The following PARG variants were observed in gnomAD, a reference collection of about 807,000 sequenced individuals.
The protein encoded by PARG is poly(ADP-ribose) glycohydrolase.
PARG carries 35 observed loss-of-function variants against 113.0 expected under a neutral mutation model. That is an observed-to-expected ratio of 0.31 (90% CI 0.24 to 0.41). The LOEUF (loss-of-function observed/expected upper bound fraction) is 0.41, where lower values mean the gene tolerates loss of function less well. PARG is among the 10% of genes least tolerant of loss of function. The pLI is 1.00. For missense variants in PARG, 797 were observed against 1,169.4 expected (o/e 0.68, Z 4.64); for synonymous variants, 330 against 409.9 (o/e 0.81, Z 2.36).
At position 49,857,331 on chromosome 10, in the gene PARG, A is replaced by T; in HGVS notation, c.2328T>A (p.Asp776Glu). 4.1e-6 allele frequency: 5 copies of T among 1,229,510 alleles called. No individual in the cohort carries two copies. The highest frequency in any genetic ancestry group is 4.7e-6 in the Non-Finnish European group (4 of 848,854). 76.2% of individuals were successfully genotyped at this position (1,229,510 alleles called of 1,614,324 possible). A position where few individuals can be genotyped will look rare whatever the true frequency, so the allele number is the denominator to read the frequency against. ...IISRLFTEVL[D>E]HNECLIITGT... is the part of the protein sequence containing the mutation. ...CTGTGATAATTAGACATTCATTGTGATCCAGCACCTCAGTGAAGAGCCGTG... is the reference window on the plus strand; with the variant it reads ...CTGTGATAATTAGACATTCATTGTGTTCCAGCACCTCAGTGAAGAGCCGTG... The change falls in exon 13 of 18, where the codon GAT becomes GAA. Residue 776 changes from aspartate to glutamate, a missense_variant. Transcript: ENST00000616448.
intron 7 of PARG, among the ~76,000 whole-genome samples, chr10:49,898,196 T>C (rs1228684376): frequency 6.6e-6 from 1 of 152,270 alleles, no homozygotes; most frequent in Non-Finnish European, 1.5e-5. Flanking sequence ...AATTCTACTA[T>C]AACTTTAACT....
At chr10:49,937,573 T>C (rs1237399342) in intron 1 of PARG, among the ~76,000 whole-genome samples, 3 of 152,048 alleles carry the variant, frequency 2.0e-5, no homozygotes, top group East Asian at 1.9e-4. Flanking sequence ...TTTCCATAAA[T>C]GTAAGGATTA....
intron 13 of PARG, among the ~76,000 whole-genome samples, chr10:49,848,047 C>T (rs1257631819): frequency 2.0e-5 from 3 of 152,058 alleles, no homozygotes; most frequent in African/African-American, 7.2e-5. Context: ...CATATACATA[C>T]ACATAAAAAC....
intron 7 of PARG, among the ~76,000 whole-genome samples, chr10:49,897,687 A>C (rs1318040066): frequency 6.6e-6 from 1 of 152,260 alleles, no homozygotes; most frequent in African/African-American, 2.4e-5. Context: ...TAAAGCTCCA[A>C]GAAATAAGCA....
intron 13 of PARG, among the ~76,000 whole-genome samples, chr10:49,850,433 A>G (rs1174277404): frequency 2.6e-5 from 4 of 152,016 alleles, no homozygotes; most frequent in African/African-American, 9.7e-5. Context: ...ATTCAAACCC[A>G]CAAAGCCATC....
chr10:49,932,547 T>G (rs1838542451), intron 3 of PARG, among the ~76,000 whole-genome samples: 1 of 152,062 alleles, frequency 6.6e-6, no homozygotes, highest in African/African-American at 2.4e-5. Flanking sequence ...TGGTTCACAG[T>G]ATCATCTACA....
At chr10:49,923,011 C>T (rs1387436278) in intron 4 of PARG, among the ~76,000 whole-genome samples, 1 of 152,242 alleles carries the variant, frequency 6.6e-6, no homozygotes, top group East Asian at 1.9e-4. Context: ...AATGCTATAA[C>T]GCCTATACTC....
At position 49,941,846 on chromosome 10, in the gene PARG, G is replaced by A. The variant is rs1206580020; in HGVS notation, c.-121C>T. ...CTGCCTGCACCATTCCCTCTCTGCC[G>A]CTGCCTGCTTCTGCAATTGCTGATC... On this transcript the variant is annotated 5_prime_UTR_variant, in exon 1 of 18. Transcript: ENST00000616448. The A allele has an allele frequency of 2.0e-5, 31 of 1,517,780 alleles. No individual in the cohort carries two copies. The highest frequency in any genetic ancestry group is 2.7e-5 in the Non-Finnish European group (31 of 1,130,832). The allele number at this position is 1,517,780 out of a possible 1,614,324, so 94.0% of individuals were successfully genotyped here.
chr10:49,851,777 A>C (rs1712526293), intron 13 of PARG, among the ~76,000 whole-genome samples: 1 of 139,166 alleles, frequency 7.2e-6, no homozygotes, highest in African/African-American at 2.6e-5. Flanking sequence ...CAAGTAAGAG[A>C]AGACAAAAAA....
Position 49,818,432 on chromosome 10 carries a change from C to T in PARG, c.*908G>A, listed in dbSNP as rs1244274756. ...TAATGAAAATTCATTCACTATATAA[C>T]CTTTGAATACCAGAGAAACTTCAAT... On this transcript the variant is annotated 3_prime_UTR_variant, in exon 18 of 18. Coordinates refer to ENST00000616448, the MANE Select transcript of PARG (RefSeq NM_003631.5). 6.6e-6 allele frequency: 1 copy of T among 152,492 alleles called. No homozygotes were observed. Among genetic ancestry groups the T allele is most frequent in the African/African-American group, 2.4e-5 (1 of 41,394 alleles). 9.4% of individuals were successfully genotyped at this position (152,492 alleles called of 1,614,324 possible).
rs1277235011 is a variant in PARG, at chr10:49,877,323, C to T, written c.1988+2350G>A. Among the ~76,000 whole-genome samples the T allele has an allele frequency of 1.8e-3, 277 of 151,118 alleles. 2 individuals are homozygous for T. Among genetic ancestry groups the T allele is most frequent in the Non-Finnish European group, 3.5e-3 (240 of 67,682 alleles). On this transcript the variant is annotated intron_variant, in intron 9 of 17. Coordinates refer to ENST00000616448, the MANE Select transcript of PARG (RefSeq NM_003631.5). ...TTAAAAGGCTAAAAAATATGGTCTT[C>T]GGGGCTGACACTCTGATATTGGAGA...
intron 6 of PARG, among the ~76,000 whole-genome samples, chr10:49,916,771 T>C (rs1554847750): frequency 6.6e-6 from 1 of 152,186 alleles, no homozygotes; most frequent in Non-Finnish European, 1.5e-5. Flanking sequence ...TTTGGTTTTA[T>C]TTTATACTGT....
chr10:49,900,778 T>C (rs1848315238), intron 7 of PARG, among the ~76,000 whole-genome samples: 1 of 151,682 alleles, frequency 6.6e-6, no homozygotes, highest in Admixed American at 6.6e-5. Flanking sequence ...TCACTTCTAT[T>C]ACTGTACGAC....
At chr10:49,877,035 T>A (rs1210668022) in intron 9 of PARG, among the ~76,000 whole-genome samples, 1 of 149,904 alleles carries the variant, frequency 6.7e-6, no homozygotes, top group African/African-American at 2.4e-5. Context: ...CCTTTCTTAG[T>A]GTTGATAGTA....
intron 7 of PARG, among the ~76,000 whole-genome samples, chr10:49,897,772 C>T (rs1167494962): frequency 6.6e-6 from 1 of 152,154 alleles, no homozygotes; most frequent in African/African-American, 2.4e-5. Flanking sequence ...TTTTGGGAGG[C>T]CAAAGCAGGT....
intron 7 of PARG, among the ~76,000 whole-genome samples, chr10:49,901,888 A>G (rs1359276748): frequency 1.3e-5 from 2 of 152,176 alleles, no homozygotes; most frequent in African/African-American, 4.8e-5. Context: ...ATGACCTAGT[A>G]CATTTCTATT....
At position 49,841,949 on chromosome 10, in the gene PARG, C is replaced by A; in HGVS notation, c.2541+1G>T. ...ATGAACTAAGAAATAAGGTTACTGG[C>A]CTTGTTCAGCTCGCGTCTCATTTTC... On this transcript the variant is annotated splice_donor_variant, in intron 15 of 17. Transcript: ENST00000616448. LOFTEE classifies it high-confidence loss of function. 2 of 1,535,638 alleles carry A rather than the reference C, an allele frequency of 1.3e-6. No individual in the cohort carries two copies. The highest frequency in any genetic ancestry group is 1.8e-6 in the Non-Finnish European group (2 of 1,136,962).
chr10:49,896,465 A>G (rs562517821), intron 7 of PARG, among the ~76,000 whole-genome samples: 1 of 152,210 alleles, frequency 6.6e-6, no homozygotes, highest in South Asian at 2.1e-4. Context: ...TTGTAATTTT[A>G]GTAGAGATGG....
chr10:49,915,929 A>G lies in PARG; in HGVS notation c.1725T>C (p.Asp575=). 1 of 1,503,458 alleles carries G rather than the reference A, an allele frequency of 6.7e-7. No homozygotes were observed. Among genetic ancestry groups the G allele is most frequent in the Non-Finnish European group, 9.1e-7 (1 of 1,102,726 alleles). 93.1% of individuals were successfully genotyped at this position (1,503,458 alleles called of 1,614,324 possible). ...SKKWDFTALI[D]FWDKVLEEAE... is the part of the protein sequence containing the mutation. Reference sequence around the variant, plus strand: ...AGGATACTTTTACCTTATCCCAGAAATCGATCAAAGCTGTAAAGTCCCATT... The same window carrying G: ...AGGATACTTTTACCTTATCCCAGAAGTCGATCAAAGCTGTAAAGTCCCATT... Residue 575 remains aspartate (D), a synonymous_variant, in exon 7 of 18, where the codon GAT becomes GAC. Coordinates refer to ENST00000616448, the MANE Select transcript of PARG (RefSeq NM_003631.5).
Sources: gnomAD v4.1 joint callset for allele counts (sites outside exome capture counted in the v4.1 genomes callset) on GRCh38, gnomAD v4.1.1 for gene constraint, MANE v1.5 for transcripts, NCBI Gene and HGNC (gene_info 2026-07-23, HGNC 2026-07-21) for gene names.